TSHZ2: variants seen among roughly 807,000 people sequenced by gnomAD.
TSHZ2 encodes teashirt homolog 2.
Under a neutral mutation model 74.4 loss-of-function variants are expected in TSHZ2, and 21 were observed. The observed-to-expected ratio is 0.28, with a 90% CI of 0.20 to 0.41. The LOEUF is 0.41. TSHZ2 is among the 10% of genes least tolerant of loss of function. The pLI is 1.00. For missense variants in TSHZ2, 1,244 were observed against 1,293.5 expected (o/e 0.96, Z 0.59); for synonymous variants, 540 against 515.3 (o/e 1.05, Z -0.65).
intron 2 of TSHZ2, among the ~76,000 whole-genome samples, chr20:53,402,821 G>A (rs1008554590): frequency 6.6e-6 from 1 of 152,168 alleles, no homozygotes; most frequent in African/African-American, 2.4e-5. Flanking sequence ...TGGAGGAAGT[G>A]AGTGAGTCAG....
chr20:53,008,980 C>CCTCTCTCTCTCTCTCT (rs55692015), intron 1 of TSHZ2, among the ~76,000 whole-genome samples: 58 of 130,516 alleles, frequency 4.4e-4, no homozygotes, highest in Admixed American at 7.9e-4. Flanking sequence ...TTGTCTTTCT[C>CCTCTCTCTCTCTCTCT]CTCTCTCTCT....
chr20:53,219,279 A>G (rs895438608), intron 1 of TSHZ2, among the ~76,000 whole-genome samples: 2 of 152,214 alleles, frequency 1.3e-5, no homozygotes, highest in Non-Finnish European at 2.9e-5. Flanking sequence ...CACGAGAACA[A>G]TCTTAAGCAG....
At chr20:53,469,045 T>TTTTATATATATATATATATA (rs1415631017) in intron 2 of TSHZ2, among the ~76,000 whole-genome samples, 2 of 49,110 alleles carry the variant, frequency 4.1e-5, no homozygotes, top group Non-Finnish European at 8.3e-5. Context: ...AATCGATATT[T>TTTTATATATATATATATATA]TATATATATA....
intron 1 of TSHZ2, among the ~76,000 whole-genome samples, chr20:53,000,410 G>A (rs1033559408): frequency 6.6e-6 from 1 of 152,114 alleles, no homozygotes; most frequent in Non-Finnish European, 1.5e-5. Flanking sequence ...AGTCATATGA[G>A]TGATTGTTTT....
intron 1 of TSHZ2, among the ~76,000 whole-genome samples, chr20:53,120,447 A>G (rs1276390638): frequency 6.6e-6 from 1 of 152,220 alleles, no homozygotes; most frequent in African/African-American, 2.4e-5. Flanking sequence ...TGACAAGAAG[A>G]TAAATTATGG....
intron 1 of TSHZ2, among the ~76,000 whole-genome samples, chr20:53,130,399 C>T (rs1987071027): frequency 6.6e-6 from 1 of 152,142 alleles, no homozygotes; most frequent in African/African-American, 2.4e-5. Context: ...CCAAGGTGTG[C>T]AAATCACTTC....
chr20:53,345,829 T>A (rs1980417421), intron 2 of TSHZ2, among the ~76,000 whole-genome samples: 1 of 151,344 alleles, frequency 6.6e-6, no homozygotes, highest in African/African-American at 2.4e-5. Context: ...GGTGGCGTGA[T>A]CACGTGCTGA....
At chr20:53,353,665 C>T (rs750767097) in intron 2 of TSHZ2, among the ~76,000 whole-genome samples, 10 of 152,150 alleles carry the variant, frequency 6.6e-5, no homozygotes, top group Non-Finnish European at 1.2e-4. Flanking sequence ...TACACATATA[C>T]GTGATTAATT....
chr20:53,224,205 T>C (rs866189812), intron 1 of TSHZ2, among the ~76,000 whole-genome samples: 5 of 152,072 alleles, frequency 3.3e-5, no homozygotes, highest in African/African-American at 1.2e-4. Flanking sequence ...AAGAAACAAA[T>C]GTCATTACAA....
intron 2 of TSHZ2, among the ~76,000 whole-genome samples, chr20:53,484,614 A>G (rs940845367): frequency 6.6e-6 from 1 of 151,946 alleles, no homozygotes; most frequent in Non-Finnish European, 1.5e-5. Context: ...TTGATCTCAT[A>G]GCCTCATGTG....
At chr20:53,210,504 A>T (rs1989277876) in intron 1 of TSHZ2, among the ~76,000 whole-genome samples, 3 of 151,764 alleles carry the variant, frequency 2.0e-5, no homozygotes, top group Admixed American at 2.0e-4. Context: ...TTCCACATGA[A>T]TTCCTGTCAG....
intron 1 of TSHZ2, among the ~76,000 whole-genome samples, chr20:53,001,234 G>GTATGTGTGTGTGTGTGTGTGTA (rs1439629473): frequency 5.4e-4 from 74 of 137,698 alleles, no homozygotes; most frequent in South Asian, 1.1e-3. Context: ...GTGTGTGTGT[G>GTATGTGTGTGTGTGTGTGTGTA]TGTGTGTGTG....
intron 1 of TSHZ2, among the ~76,000 whole-genome samples, chr20:53,166,636 T>C (rs1988068927): frequency 6.6e-6 from 1 of 152,094 alleles, no homozygotes; most frequent in African/African-American, 2.4e-5. Context: ...TCAGGCATGG[T>C]GGCACATGCC....
chr20:53,198,017 T>C (rs1988914412), intron 1 of TSHZ2, among the ~76,000 whole-genome samples: 1 of 152,216 alleles, frequency 6.6e-6, no homozygotes, highest in South Asian at 2.1e-4. Flanking sequence ...GATCTCGTTT[T>C]CCAGACTCCA....
At chr20:53,082,519 G>C (rs922135597) in intron 1 of TSHZ2, among the ~76,000 whole-genome samples, 2 of 152,198 alleles carry the variant, frequency 1.3e-5, no homozygotes, top group Admixed American at 1.3e-4. Flanking sequence ...AGCTTCTTAA[G>C]AGATCTTCAT....
At position 53,395,422 on chromosome 20, in the gene TSHZ2, G is replaced by A. The variant is rs144255867; in HGVS notation, c.*9-91722G>A. 1.7e-3 allele frequency among the ~76,000 whole-genome samples: 261 copies of A among 152,276 alleles called. 1 individual carries two copies. Among genetic ancestry groups the A allele is most frequent in the Admixed American group, 3.9e-3 (60 of 15,310 alleles). On this transcript the variant is annotated intron_variant, in intron 2 of 2. Transcript: ENST00000371497. The stretch of plus-strand genomic sequence containing the variant: ...CAGTCTCTAAACTGAGGTTTCCTAC[G>A]TTTATTTCCTGTCTGGGACATTCTG...
chr20:53,308,447 T>C (rs1192200803), intron 2 of TSHZ2, among the ~76,000 whole-genome samples: 1 of 152,046 alleles, frequency 6.6e-6, no homozygotes, highest in East Asian at 1.9e-4. Flanking sequence ...GATGGTGATG[T>C]GTATGTATGT....
chr20:53,185,584 C>A (rs1490347587), intron 1 of TSHZ2: 4 of 1,518,904 alleles, frequency 2.6e-6, no homozygotes, highest in Non-Finnish European at 3.5e-6. Context: ...CACGCCACTG[C>A]ACTCCAGCTG....
intron 2 of TSHZ2, among the ~76,000 whole-genome samples, chr20:53,362,216 G>A (rs1395775362): frequency 1.2e-4 from 16 of 138,384 alleles, no homozygotes; most frequent in African/African-American, 3.3e-4. Flanking sequence ...ATGGAGTCTC[G>A]CTCTGTTGCC....
Sources: allele counts gnomAD v4.1 joint callset (sites outside exome capture counted in the v4.1 genomes callset), GRCh38; gene constraint gnomAD v4.1.1; transcripts MANE v1.5; gene names NCBI Gene and HGNC (gene_info 2026-07-23, HGNC 2026-07-21).